Variants in TTC23L observed in about 807,000 individuals in gnomAD.
TTC23L encodes the protein tetratricopeptide repeat domain 23 like, also known as tetratricopeptide repeat protein 23-like.
Under a neutral mutation model 48.1 loss-of-function variants are expected in TTC23L, and 42 were observed. The ratio of observed to expected loss-of-function variants is 0.87; its 90% CI spans 0.68 to 1.13. The LOEUF (loss-of-function observed/expected upper bound fraction) is 1.13, where lower values mean the gene tolerates loss of function less well. TTC23L is among the 50% of genes most tolerant of loss of function. The pLI is 0.00. For synonymous variants in TTC23L, 159 were observed against 157.2 expected, an observed-to-expected ratio of 1.01 and a Z score of -0.09; for missense variants, 391 against 421.0, an observed-to-expected ratio of 0.93 and a Z score of 0.62.
chr5:34,850,534 G>A (rs763656793), intron 4 of TTC23L, among the ~76,000 whole-genome samples: 3 of 152,164 alleles, frequency 2.0e-5, no homozygotes, highest in Non-Finnish European at 4.4e-5. Flanking sequence ...GTGCCAAACT[G>A]GTCTCATTAG....
intron 9 of TTC23L, chr5:34,883,134 C>T (rs1335562387): frequency 6.6e-6 from 1 of 152,450 alleles, no homozygotes; most frequent in Non-Finnish European, 1.5e-5. Context: ...TGAAGATGTT[C>T]CTCTGGTCAC....
At chr5:34,902,588 C>T (rs1480107153), downstream of TTC23L, among the ~76,000 whole-genome samples, 1 of 152,108 alleles carries the variant, frequency 6.6e-6, no homozygotes, top group Non-Finnish European at 1.5e-5. Flanking sequence ...AAGAATCAAC[C>T]AGTACCCAAG....
At chr5:34,839,911 GTTTTA>G (rs532063883) in intron 1 of TTC23L, among the ~76,000 whole-genome samples, 13 of 152,162 alleles carry the variant, frequency 8.5e-5, no homozygotes, top group Non-Finnish European at 1.8e-4. Flanking sequence ...TCATTTTATT[GTTTTA>G]TTTTATTTTG....
rs1396408444 is a variant in TTC23L at position 34,863,842 on chromosome 5, C to A, written c.537-595C>A. Among the ~76,000 whole-genome samples, 1 of 152,186 alleles carries A rather than the reference C, an allele frequency of 6.6e-6. No homozygotes were observed. Among genetic ancestry groups the A allele is most frequent in the African/African-American group, 2.4e-5 (1 of 41,432 alleles). On this transcript the variant is annotated intron_variant, in intron 5 of 10. Transcript: ENST00000505624. This position sits in a 1 kb window ranked among gnomAD's most constrained non-coding sequence, Gnocchi z 4.1. ...CTCTTTGAGCCTATGTGTCCCCAGTCTCCTCTCTACACATCCCCCTCTCTA... is the reference window on the plus strand; with the variant it reads ...CTCTTTGAGCCTATGTGTCCCCAGTATCCTCTCTACACATCCCCCTCTCTA...
rs759910588 is a variant in TTC23L at position 34,850,171 on chromosome 5, T to C, written c.256-14T>C. On this transcript the variant is annotated splice_polypyrimidine_tract_variant and intron_variant, in intron 3 of 10. Transcript: ENST00000505624. ...TTCCTTTCCAAAAAGTATAATCACT[T>C]CTGTACTCTACAGAATACTCAAGCA... 1 of 1,613,640 alleles carries C rather than the reference T, an allele frequency of 6.2e-7. No homozygotes were observed. The highest frequency in any genetic ancestry group is 2.2e-5 in the East Asian group (1 of 44,866).
chr5:34,908,964 T>A, the TTC23L span: 15 of 1,588,778 alleles, frequency 9.4e-6, no homozygotes, highest in Non-Finnish European at 1.2e-5. Context: ...GAAGAAAAAA[T>A]AAAACGCTGT....
intron 9 of TTC23L, among the ~76,000 whole-genome samples, chr5:34,896,082 C>T (rs1416874818): frequency 1.3e-5 from 2 of 152,162 alleles, no homozygotes; most frequent in Admixed American, 6.6e-5. Context: ...GGCATTGGGG[C>T]AGGTAGAGAA....
chr5:34,868,947 A>G (rs752539433), exon 8 of TTC23L: 18 of 1,611,520 alleles, frequency 1.1e-5, no homozygotes, highest in Non-Finnish European at 1.5e-5. Flanking sequence ...AGTCAGCCCC[A>G]AAACTGCAGA....
chr5:34,892,568 G>A (rs1460325659), intron 9 of TTC23L, among the ~76,000 whole-genome samples: 1 of 152,152 alleles, frequency 6.6e-6, no homozygotes, highest in Admixed American at 6.5e-5. Context: ...TTACAAGTTA[G>A]TCTGTAGTAA....
the TTC23L span, chr5:34,920,947 C>T: frequency 6.6e-6 from 1 of 152,158 alleles, no homozygotes. Context: ...TCACTGCAGC[C>T]TCTGCTTCCT....
At chr5:34,921,193 T>C in the TTC23L span, 2 of 152,186 alleles carry the variant, frequency 1.3e-5, no homozygotes, top group African/African-American at 4.8e-5. Flanking sequence ...GAGTACTATA[T>C]TAATTAGAGT....
chr5:34,851,747 C>T (rs898529469), intron 4 of TTC23L, among the ~76,000 whole-genome samples: 2 of 152,172 alleles, frequency 1.3e-5, no homozygotes, highest in African/African-American at 4.8e-5. Flanking sequence ...AACTTACTGC[C>T]TTCATGATAA....
chr5:34,844,227 G>A (rs558327484), intron 2 of TTC23L, among the ~76,000 whole-genome samples: 16 of 152,268 alleles, frequency 1.1e-4, no homozygotes, highest in Admixed American at 7.2e-4. Context: ...AAGCACACTC[G>A]TCTGTGGGCA....
intron 2 of TTC23L, among the ~76,000 whole-genome samples, chr5:34,842,891 T>C (rs1017641149): frequency 1.6e-4 from 24 of 152,180 alleles, no homozygotes; most frequent in African/African-American, 5.3e-4. Flanking sequence ...AGTGGTGTGA[T>C]CTCAGCTCAC....
chr5:34,874,630 G>A (rs868237935), intron 8 of TTC23L, among the ~76,000 whole-genome samples: 25 of 152,168 alleles, frequency 1.6e-4, no homozygotes, highest in Middle Eastern at 3.4e-3. Flanking sequence ...GGCAGAGGTG[G>A]GGGGTTTGCT....
exon 3 of TTC23L, chr5:34,845,618 A>G (rs765677556): frequency 6.2e-7 from 1 of 1,613,952 alleles, no homozygotes; most frequent in South Asian, 1.1e-5. Flanking sequence ...TCTCATCCCA[A>G]AGAGAAATTA....
intron 3 of TTC23L, among the ~76,000 whole-genome samples, chr5:34,849,783 T>C (rs1021448141): frequency 1.7e-4 from 26 of 152,158 alleles, no homozygotes; most frequent in African/African-American, 6.0e-4. Flanking sequence ...CAGGAGTAGA[T>C]CACTGATCAC....
chr5:34,870,333 T>C (rs1466460963), intron 8 of TTC23L, among the ~76,000 whole-genome samples: 1 of 152,142 alleles, frequency 6.6e-6, no homozygotes, highest in Non-Finnish European at 1.5e-5. Context: ...AAGAGTTTGA[T>C]AGATTTCATT....
intron 9 of TTC23L, 117 bp from the exon 10 acceptor site, chr5:34,896,650 AAAT>A (rs1198646141): frequency 1.1e-5 from 8 of 712,076 alleles, no homozygotes; most frequent in East Asian, 1.1e-4. Context: ...AAACATGAAG[AAAT>A]AATAACATGA....
Sources: allele counts gnomAD v4.1 joint callset (sites outside exome capture counted in the v4.1 genomes callset), GRCh38; gene constraint gnomAD v4.1.1; non-coding constraint Gnocchi (gnomAD v3.1); transcripts MANE v1.5; gene names NCBI Gene and HGNC (gene_info 2026-07-23, HGNC 2026-07-21).